The following SYNPO2 variants were observed in gnomAD, a reference collection of about 807,000 sequenced individuals.
SYNPO2 encodes the protein synaptopodin-2.
In SYNPO2, 56 loss-of-function variants were observed where a neutral mutation model predicts 85.0. That is an observed-to-expected ratio of 0.66 (90% confidence interval 0.53 to 0.82). The LOEUF (loss-of-function observed/expected upper bound fraction) is 0.82, where lower values mean the gene tolerates loss of function less well. Among genes scored for constraint, SYNPO2 ranks in the 40% least tolerant of loss-of-function variants. The pLI is 0.00. For synonymous variants in SYNPO2, 602 were observed against 591.1 expected, an observed-to-expected ratio of 1.02 and a Z score of -0.27; for missense variants, 1,575 against 1,534.2, an observed-to-expected ratio of 1.03 and a Z score of -0.44.
chr4:118,980,891 T>G (rs1252835376), intron 1 of SYNPO2, among the ~76,000 whole-genome samples: 2 of 152,334 alleles, frequency 1.3e-5, no homozygotes, highest in South Asian at 2.1e-4. Context: ...TGAAACACTT[T>G]GCCTATGTGG....
chr4:118,912,301 C>T (rs961658976), intron 1 of SYNPO2, among the ~76,000 whole-genome samples: 1 of 152,164 alleles, frequency 6.6e-6, no homozygotes, highest in Non-Finnish European at 1.5e-5. Flanking sequence ...CCATTTCAGC[C>T]TCCCCAGTAG....
intron 1 of SYNPO2, among the ~76,000 whole-genome samples, chr4:118,934,540 C>T (rs1011851738): frequency 6.6e-6 from 1 of 152,148 alleles, no homozygotes; most frequent in Non-Finnish European, 1.5e-5. Flanking sequence ...AAATGAAATG[C>T]ACCAAATACT....
chr4:118,906,287 G>T (rs879444526), intron 1 of SYNPO2, among the ~76,000 whole-genome samples: 6 of 152,240 alleles, frequency 3.9e-5, no homozygotes, highest in South Asian at 2.1e-4. Context: ...ACATGTGTGT[G>T]TTCAGATTTT....
chr4:118,997,205 A>T (rs1736637514), intron 1 of SYNPO2, among the ~76,000 whole-genome samples: 1 of 139,676 alleles, frequency 7.2e-6, no homozygotes, highest in South Asian at 2.4e-4. Context: ...CCGCCACTGC[A>T]CTCCAGCCTG....
intron 1 of SYNPO2, among the ~76,000 whole-genome samples, chr4:119,004,548 A>G (rs558482594): frequency 6.7e-6 from 1 of 149,750 alleles, no homozygotes; most frequent in East Asian, 2.0e-4. Flanking sequence ...CCTACAAACG[A>G]CATAAACTCA....
intron 1 of SYNPO2, among the ~76,000 whole-genome samples, chr4:118,990,124 T>C (rs1427822666): frequency 6.6e-6 from 1 of 152,208 alleles, no homozygotes; most frequent in Non-Finnish European, 1.5e-5. Context: ...ATTGGCTGTA[T>C]GACTTGGATT....
rs376309057 is a variant in SYNPO2, at chr4:119,030,058, A to T, written c.1283A>T (p.Asp428Val). The T allele has an allele frequency of 3.1e-6, 5 of 1,614,064 alleles. No individual in the cohort carries two copies. In the African/African-American group the frequency reaches 6.7e-5, roughly 22 times the overall value. Residue 428 changes from aspartate to valine, a missense_variant, in exon 4 of 5, where the codon GAC (aspartate) becomes GTC (valine). Transcript: ENST00000307142. ...EREADEEEEG[D>V]KEDTCEVAFL... ...GAGGCGGACGAGGAGGAAGAAGGTG[A>T]CAAGGAGGATACATGTGAAGTAGCA...
At chr4:118,965,978 C>T (rs181142902) in intron 1 of SYNPO2, among the ~76,000 whole-genome samples, 89 of 152,026 alleles carry the variant, frequency 5.9e-4, no homozygotes, top group African/African-American at 2.0e-3. Flanking sequence ...TTGCTTGAGC[C>T]CAGGAGGTTG....
At chr4:119,048,871 T>C (rs1332600240) in intron 4 of SYNPO2, among the ~76,000 whole-genome samples, 2 of 152,226 alleles carry the variant, frequency 1.3e-5, no homozygotes, top group Non-Finnish European at 2.9e-5. Context: ...TGGTTTTTCC[T>C]TTTTTGAAAT....
Position 119,040,987 on chromosome 4 carries a change from T to G in SYNPO2, c.3252+8960T>G, listed in dbSNP as rs376611294. 9.9e-5 allele frequency among the ~76,000 whole-genome samples: 15 copies of G among 152,240 alleles called. No homozygotes were observed. In the East Asian group the frequency reaches 1.7e-3, roughly 18 times the overall value. On this transcript the variant is annotated intron_variant, in intron 4 of 4. Transcript: ENST00000307142. ...AAACCTCGGCCTGAACAGAGCAAAC[T>G]CCCAGCTCAGGGCAAGTGATGAAAA...
rs1012038785 is a variant in SYNPO2, at chr4:118,890,739, G to C, written c.105+1598G>C. Among the ~76,000 whole-genome samples the C allele has an allele frequency of 6.5e-3, 367 of 56,738 alleles. 3 individuals carry two copies. The highest frequency in any genetic ancestry group is 0.01 in the African/African-American group (220 of 21,186). 37.2% of individuals were successfully genotyped at this position (56,738 alleles called of 152,430 possible). ...TCTCTCTCTCTCTCTCTCTCTGTGT[G>C]TGTGTGTGTGTGTGTGTAGGGAGAG... On this transcript the variant is annotated intron_variant, in intron 1 of 4. Coordinates refer to ENST00000307142, the MANE Select transcript of SYNPO2 (RefSeq NM_133477.3).
At chr4:118,927,776 T>TGATAGATAGATAGATGATA (rs1733783479) in intron 1 of SYNPO2, among the ~76,000 whole-genome samples, 1 of 102,570 alleles carries the variant, frequency 9.7e-6, no homozygotes, top group Non-Finnish European at 2.1e-5. Context: ...GATAGATAGA[T>TGATAGATAGATAGATGATA]GATAGATAGA....
At chr4:118,882,002 A>G (rs1050162204) in intron 1 of SYNPO2, among the ~76,000 whole-genome samples, 5 of 152,224 alleles carry the variant, frequency 3.3e-5, no homozygotes, top group African/African-American at 9.6e-5. Flanking sequence ...TTGATGATCT[A>G]TCTGGCACTT....
At chr4:119,007,174 G>C (rs1737060689) in intron 1 of SYNPO2, among the ~76,000 whole-genome samples, 1 of 129,404 alleles carries the variant, frequency 7.7e-6, no homozygotes, top group Non-Finnish European at 1.6e-5. Context: ...ACACACACAA[G>C]AATGAGGAGA....
At position 118,973,073 on chromosome 4, in the gene SYNPO2, TG is replaced by T. The variant is rs549168584; in HGVS notation, c.106-50354del. Among the ~76,000 whole-genome samples the T allele has an allele frequency of 8.5e-5, 13 of 152,310 alleles. No homozygotes were observed. The South Asian group carries it at 2.7e-3, about 32-fold the overall frequency. The stretch of plus-strand genomic sequence containing the variant: ...ACTTATGGTATTTTTTGATTTATGA[TG>T]GGTTTTGTGGGACATAGTCCCATTG... On this transcript the variant is annotated intron_variant, in intron 1 of 4. Coordinates refer to ENST00000307142, the MANE Select transcript of SYNPO2 (RefSeq NM_133477.3).
intron 1 of SYNPO2, among the ~76,000 whole-genome samples, chr4:118,948,131 CTCTG>C (rs1734567748): frequency 6.6e-6 from 1 of 152,162 alleles, no homozygotes. Flanking sequence ...TGGTGTTGCG[CTCTG>C]TCTGATTTCA....
intron 1 of SYNPO2, among the ~76,000 whole-genome samples, chr4:118,937,109 A>T (rs1178467098): frequency 1.3e-5 from 2 of 152,182 alleles, no homozygotes; most frequent in Non-Finnish European, 2.9e-5. Context: ...TTTAAAATGC[A>T]AACAGGACCA....
chr4:118,935,522 A>G (rs1734071827), intron 1 of SYNPO2, among the ~76,000 whole-genome samples: 1 of 152,278 alleles, frequency 6.6e-6, no homozygotes, highest in South Asian at 2.1e-4. Context: ...GGACCACACA[A>G]TGGTGGTCAT....
At chr4:119,047,068 ATT>A (rs11321156) in intron 4 of SYNPO2, among the ~76,000 whole-genome samples, 5 of 150,288 alleles carry the variant, frequency 3.3e-5, no homozygotes, top group Non-Finnish European at 5.9e-5. Context: ...TTGTTTATTT[ATT>A]TTTTTTTTAG....
Sources: allele counts gnomAD v4.1 joint callset (sites outside exome capture counted in the v4.1 genomes callset), GRCh38; gene constraint gnomAD v4.1.1; transcripts MANE v1.5; gene names NCBI Gene and HGNC (gene_info 2026-07-23, HGNC 2026-07-21).